Variants in WDFY3 observed in about 807,000 individuals in gnomAD.
WDFY3 encodes WD repeat and FYVE domain-containing protein 3.
Under a neutral mutation model 409.6 loss-of-function variants are expected in WDFY3, and 66 were observed. The ratio of observed to expected loss-of-function variants is 0.16; its 90% confidence interval spans 0.13 to 0.20. The LOEUF (loss-of-function observed/expected upper bound fraction) is 0.20, where lower values mean the gene tolerates loss of function less well. Among genes scored for constraint, WDFY3 ranks in the 10% least tolerant of loss-of-function variants. The pLI, the probability that WDFY3 is intolerant of heterozygous loss-of-function variation, is 1.00. For missense variants in WDFY3, 3,031 were observed against 4,298.1 expected (o/e 0.71, Z 8.24); for synonymous variants, 1,521 against 1,537.1 (o/e 0.99, Z 0.25).
Position 84,821,235 on chromosome 4 carries a change from A to C in WDFY3, c.1440T>G (p.Ile480Met). ...ACTTAAGAAGTGTTTTCATTGCAAT[A>C]ATGCTACAGTGATAAGAAGAGCTAG... The part of the protein sequence containing the change: ...LKSSSSYHCS[I>M]IAMKTLLKFT... The change falls in exon 11 of 68, where the codon ATT (isoleucine) becomes ATG (methionine). Residue 480 changes from isoleucine (I) to methionine (M), a missense_variant. Ile to Met is a conservative substitution (Grantham distance 10, BLOSUM62 1). Transcript: ENST00000295888. The C allele has an allele frequency of 3.7e-6, 6 of 1,613,768 alleles. No individual in the cohort carries two copies. The highest frequency in any genetic ancestry group is 5.1e-6 in the Non-Finnish European group (6 of 1,179,820).
chr4:84,920,116 T>C (rs1769077358), intron 2 of WDFY3, among the ~76,000 whole-genome samples: 1 of 152,246 alleles, frequency 6.6e-6, no homozygotes, highest in Admixed American at 6.5e-5. Context: ...TGTGTACTTT[T>C]AAAATGTCAT....
chr4:84,679,746 T>A (rs2148756558), intron 64 of WDFY3, among the ~76,000 whole-genome samples: 1 of 152,090 alleles, frequency 6.6e-6, no homozygotes, highest in African/African-American at 2.4e-5. Context: ...CCCCCTTTTC[T>A]GGACTCCTTT....
rs1749496741 is a variant in WDFY3, at chr4:84,796,647, C to T, written c.3041G>A (p.Gly1014Glu). Residue 1014 changes from glycine to glutamate, a missense_variant, in exon 19 of 68, where the codon GGA becomes GAA. Coordinates refer to ENST00000295888, the MANE Select transcript of WDFY3 (RefSeq NM_014991.6). ...ISKSLVKSAE[G>E]STVPLTRVKC... The stretch of plus-strand genomic sequence containing the variant: ...CACCCTGGTCAGGGGTACAGTACTT[C>T]CTTCCGCAGATTTTACCAGGCTCTT... 6.2e-7 allele frequency: 1 copy of T among 1,614,108 alleles called. No homozygotes were observed.
At chr4:84,892,980 G>C (rs933964693) in intron 3 of WDFY3, among the ~76,000 whole-genome samples, 4 of 152,190 alleles carry the variant, frequency 2.6e-5, no homozygotes, top group East Asian at 1.9e-4. Flanking sequence ...TAAAATTCCA[G>C]GCTAAGGAAC....
At chr4:84,693,433 T>C (rs1456146307) in intron 58 of WDFY3, among the ~76,000 whole-genome samples, 2 of 152,176 alleles carry the variant, frequency 1.3e-5, no homozygotes, top group Non-Finnish European at 2.9e-5. Flanking sequence ...TTATTTCTGG[T>C]TTCAATGTGG....
chr4:84,811,738 C>T (rs932593430), intron 13 of WDFY3, among the ~76,000 whole-genome samples: 1 of 152,000 alleles, frequency 6.6e-6, no homozygotes, highest in African/African-American at 2.4e-5. Flanking sequence ...TTTAAAAGAT[C>T]TCACACATTT....
chr4:84,868,171 CAAAAAAAAAAAAAAAAA>C lies in WDFY3; in HGVS notation c.-31-7566_-31-7550del, dbSNP rs70943375. The stretch of plus-strand genomic sequence containing the variant: ...TGGGTGACAGAGCGAGACTCTGTCT[CAAAAAAAAAAAAAAAAA>C]AAAAAAAAAAAAAAAAAAGATTTAT... On this transcript the variant is annotated intron_variant, in intron 3 of 67. Transcript: ENST00000295888. Among the ~76,000 whole-genome samples, 98 of 38,460 alleles carry C rather than the reference CAAAAAAAAAAAAAAAAA, an allele frequency of 2.5e-3. 1 individual carries two copies. The highest frequency in any genetic ancestry group is 8.3e-3 in the African/African-American group (83 of 9,942). 25.2% of individuals were successfully genotyped at this position (38,460 alleles called of 152,430 possible).
At chr4:84,724,667 G>A (rs1735371172) in intron 45 of WDFY3, 73 bp from the exon 46 acceptor site, 1 of 1,530,820 alleles carries the variant, frequency 6.5e-7, no homozygotes, top group Non-Finnish European at 8.8e-7. Flanking sequence ...TTGAGGGAAG[G>A]TATGGTGTCA....
chr4:84,900,395 T>A (rs1766194035), intron 2 of WDFY3, among the ~76,000 whole-genome samples: 1 of 152,086 alleles, frequency 6.6e-6, no homozygotes, highest in Non-Finnish European at 1.5e-5. Flanking sequence ...AGCTAATTTT[T>A]AAATTTTTTT....
intron 2 of WDFY3, among the ~76,000 whole-genome samples, chr4:84,914,288 G>A (rs1273195688): frequency 6.6e-6 from 1 of 152,080 alleles, no homozygotes; most frequent in African/African-American, 2.4e-5. Flanking sequence ...GGGCGTGGTG[G>A]CAGGTGCCTA....
intron 15 of WDFY3, among the ~76,000 whole-genome samples, chr4:84,807,758 G>C (rs189468698): frequency 5.3e-4 from 80 of 152,172 alleles, no homozygotes; most frequent in African/African-American, 1.9e-3. Flanking sequence ...GAGATTTACA[G>C]AGCACTGATC....
At chr4:84,884,474 CACTT>C (rs1257410764) in intron 3 of WDFY3, among the ~76,000 whole-genome samples, 3 of 151,878 alleles carry the variant, frequency 2.0e-5, no homozygotes, top group Non-Finnish European at 4.4e-5. Context: ...CAAAATCTAA[CACTT>C]AAATAACATG....
At chr4:84,954,010 C>T (rs1773938297) in intron 1 of WDFY3, among the ~76,000 whole-genome samples, 1 of 152,098 alleles carries the variant, frequency 6.6e-6, no homozygotes, top group South Asian at 2.1e-4. Flanking sequence ...ATCTTATCTC[C>T]ACTATGTTAT....
At chr4:84,713,773 T>G (rs983580281) in intron 50 of WDFY3, among the ~76,000 whole-genome samples, 4 of 152,220 alleles carry the variant, frequency 2.6e-5, no homozygotes, top group Non-Finnish European at 5.9e-5. Flanking sequence ...ATTCACACAT[T>G]CAAAAGAATT....
At chr4:84,953,039 CA>C (rs1386101205) in intron 1 of WDFY3, among the ~76,000 whole-genome samples, 2 of 151,780 alleles carry the variant, frequency 1.3e-5, no homozygotes, top group East Asian at 3.9e-4. Context: ...TGGTATCCCT[CA>C]ACTATCAAAT....
At position 84,836,935 on chromosome 4, in the gene WDFY3, A is replaced by G. The variant is rs752825700; in HGVS notation, c.570T>C (p.Phe190=). ...CAAATAGCACCTTTCATACCTGTAC[A>G]AAAACTTTCTGGAGTAGTCCTCGAC... ...AERRGLLQKV[F]VQILVKLCSF... is the part of the protein sequence containing the mutation. Residue 190 remains phenylalanine (F), a synonymous_variant, in exon 7 of 68, where the codon TTT becomes TTC. Coordinates refer to ENST00000295888, the MANE Select transcript of WDFY3 (RefSeq NM_014991.6). 12 of 1,574,512 alleles carry G rather than the reference A, an allele frequency of 7.6e-6. No individual in the cohort carries two copies. The highest frequency in any genetic ancestry group is 7.8e-6 in the Non-Finnish European group (9 of 1,160,086).
chr4:84,812,952 T>C (rs1308727629), intron 13 of WDFY3, among the ~76,000 whole-genome samples: 1 of 152,156 alleles, frequency 6.6e-6, no homozygotes, highest in African/African-American at 2.4e-5. Context: ...CTTGGTTAAT[T>C]AGACAAAATC....
At chr4:84,821,006 A>C (rs1753975052) in intron 11 of WDFY3, 78 bp downstream of exon 11, 1 of 1,326,382 alleles carries the variant, frequency 7.5e-7, no homozygotes, top group Non-Finnish European at 1.0e-6. Flanking sequence ...CAATAACCAA[A>C]GAATGGGAAC....
intron 4 of WDFY3, among the ~76,000 whole-genome samples, chr4:84,852,930 G>T (rs1359636119): frequency 6.6e-6 from 1 of 151,870 alleles, no homozygotes; most frequent in Admixed American, 6.6e-5. Flanking sequence ...GCTGATTTTT[G>T]TATTTTTTGT....
Sources: allele counts gnomAD v4.1 joint callset (sites outside exome capture counted in the v4.1 genomes callset), GRCh38; gene constraint gnomAD v4.1.1; transcripts MANE v1.5; gene names NCBI Gene and HGNC (gene_info 2026-07-23, HGNC 2026-07-21).